TBC1D22A: variants seen among roughly 807,000 people sequenced by gnomAD.
TBC1D22A encodes the protein TBC1 domain family member 22A.
In TBC1D22A, 38 loss-of-function variants were observed where a neutral mutation model predicts 60.2. That is an observed-to-expected ratio of 0.63 (90% CI 0.49 to 0.83). TBC1D22A has a LOEUF of 0.83. TBC1D22A is among the 40% of genes least tolerant of loss of function. TBC1D22A has a pLI of 0.00. For synonymous variants in TBC1D22A, 302 were observed against 281.7 expected, an observed-to-expected ratio of 1.07 and a Z score of -0.72; for missense variants, 628 against 701.0, an observed-to-expected ratio of 0.90 and a Z score of 1.18.
chr22:46,933,999 A>G (rs749604169), intron 8 of TBC1D22A, among the ~76,000 whole-genome samples: 54 of 152,166 alleles, frequency 3.5e-4, no homozygotes, highest in Non-Finnish European at 5.9e-4. Context: ...GTGGGAGTTT[A>G]TATTTGATAT....
intron 10 of TBC1D22A, among the ~76,000 whole-genome samples, chr22:47,016,002 G>A (rs1350832149): frequency 2.0e-5 from 3 of 152,084 alleles, no homozygotes; most frequent in South Asian, 2.1e-4. Flanking sequence ...CACACTCCAC[G>A]TGCCCCCCTG....
At chr22:46,962,161 C>T (rs1279893830) in intron 8 of TBC1D22A, among the ~76,000 whole-genome samples, 4 of 152,188 alleles carry the variant, frequency 2.6e-5, no homozygotes, top group African/African-American at 2.4e-5. Flanking sequence ...TGCCCAGGAT[C>T]GGTGCTCGCC....
At chr22:46,946,719 C>T (rs1277896122) in intron 8 of TBC1D22A, among the ~76,000 whole-genome samples, 1 of 152,192 alleles carries the variant, frequency 6.6e-6, no homozygotes, top group Non-Finnish European at 1.5e-5. Flanking sequence ...TCACAGCATC[C>T]TCAGCTGCTG....
At position 46,787,674 on chromosome 22, in the gene TBC1D22A, G is replaced by T. The variant is rs375572935; in HGVS notation, c.63-4846G>T. 3.3e-5 allele frequency among the ~76,000 whole-genome samples: 5 copies of T among 152,142 alleles called. No individual in the cohort carries two copies. In the East Asian group the frequency reaches 7.7e-4, roughly 23 times the overall value. On this transcript the variant is annotated intron_variant, in intron 1 of 12. Coordinates refer to ENST00000337137, the MANE Select transcript of TBC1D22A (RefSeq NM_014346.5). The stretch of plus-strand genomic sequence containing the variant: ...AATGTGCAGAATAATACTGTATGTT[G>T]CCCAGAGATCCACGTCTCTTCCATA...
At chr22:47,099,016 C>T (rs191699976) in intron 11 of TBC1D22A, among the ~76,000 whole-genome samples, 1 of 152,328 alleles carries the variant, frequency 6.6e-6, no homozygotes, top group Admixed American at 6.5e-5. Context: ...CCATCCTAGC[C>T]AGTGGGGCTA....
chr22:46,768,627 T>G (rs2146687009), intron 1 of TBC1D22A, among the ~76,000 whole-genome samples: 1 of 152,246 alleles, frequency 6.6e-6, no homozygotes, highest in South Asian at 2.1e-4. Context: ...CTCGCCACAC[T>G]TCACTTTAAA....
chr22:46,885,441 T>C (rs765409343), intron 5 of TBC1D22A, among the ~76,000 whole-genome samples: 1 of 152,228 alleles, frequency 6.6e-6, no homozygotes, highest in Non-Finnish European at 1.5e-5. Flanking sequence ...AAAGCAGCAC[T>C]GTGTGAAGCA....
chr22:46,923,545 C>G (rs966540917), intron 8 of TBC1D22A, among the ~76,000 whole-genome samples: 1 of 152,374 alleles, frequency 6.6e-6, no homozygotes, highest in East Asian at 1.9e-4. Context: ...GGAAGAAGGA[C>G]TCATCCAGCT....
At chr22:46,966,095 C>T (rs554094650) in intron 8 of TBC1D22A, among the ~76,000 whole-genome samples, 2 of 152,298 alleles carry the variant, frequency 1.3e-5, no homozygotes, top group South Asian at 2.1e-4. Flanking sequence ...CTGGGGCCTC[C>T]GCATCACGCT....
intron 4 of TBC1D22A, among the ~76,000 whole-genome samples, chr22:46,848,365 G>C (rs1247378726): frequency 3.3e-5 from 5 of 152,186 alleles, no homozygotes; most frequent in African/African-American, 1.2e-4. Flanking sequence ...GAAGGCAGTG[G>C]AGAGCCAGCT....
intron 8 of TBC1D22A, among the ~76,000 whole-genome samples, chr22:46,945,490 G>C (rs1053763282): frequency 7.4e-4 from 112 of 152,302 alleles, no homozygotes; most frequent in African/African-American, 2.6e-3. Context: ...TGAATAACTT[G>C]ATCAAGGTCT....
chr22:46,988,611 ATCTT>A (rs896124597), intron 9 of TBC1D22A, among the ~76,000 whole-genome samples: 3 of 152,198 alleles, frequency 2.0e-5, no homozygotes, highest in African/African-American at 2.4e-5. Context: ...TTTGAACAAA[ATCTT>A]TCTTTCTGAG....
chr22:47,009,442 A>T lies in TBC1D22A; in HGVS notation c.1201+11733A>T, dbSNP rs1197078400. 6.6e-6 allele frequency among the ~76,000 whole-genome samples: 1 copy of T among 151,172 alleles called. No individual in the cohort carries two copies. Among genetic ancestry groups the T allele is most frequent in the African/African-American group, 2.4e-5 (1 of 40,972 alleles). ...TGTCATCACCACCATCATCATCACC[A>T]TCACCATCATTTCTGTCATCACCAT... On this transcript the variant is annotated intron_variant, in intron 10 of 12. Transcript: ENST00000337137. This position sits in a 1 kb window ranked among gnomAD's most constrained non-coding sequence, Gnocchi z 5.8.
chr22:47,168,880 T>A (rs1333793132), intron 12 of TBC1D22A, among the ~76,000 whole-genome samples: 1 of 152,168 alleles, frequency 6.6e-6, no homozygotes, highest in Non-Finnish European at 1.5e-5. Flanking sequence ...TGCTCTTCAG[T>A]GTCAGGAGCC....
chr22:46,900,545 T>C (rs1445978617), intron 7 of TBC1D22A, among the ~76,000 whole-genome samples: 1 of 152,212 alleles, frequency 6.6e-6, no homozygotes, highest in Non-Finnish European at 1.5e-5. Flanking sequence ...TTTGTGTCAG[T>C]CTCCTCTCCC....
chr22:46,936,293 G>A (rs1011052922), intron 8 of TBC1D22A, among the ~76,000 whole-genome samples: 4 of 151,506 alleles, frequency 2.6e-5, no homozygotes, highest in Non-Finnish European at 5.9e-5. Context: ...GGTTCTGCAC[G>A]CCCTCTTCCT....
At chr22:46,769,471 G>A (rs933366419) in intron 1 of TBC1D22A, among the ~76,000 whole-genome samples, 1 of 152,244 alleles carries the variant, frequency 6.6e-6, no homozygotes, top group East Asian at 1.9e-4. Flanking sequence ...TGGGCAGGTG[G>A]CAGTCCCGGG....
At chr22:47,029,126 T>C (rs924721617) in intron 10 of TBC1D22A, among the ~76,000 whole-genome samples, 1 of 151,682 alleles carries the variant, frequency 6.6e-6, no homozygotes, top group African/African-American at 2.4e-5. Flanking sequence ...CAGCCAAATG[T>C]GGAGAATCAT....
chr22:46,962,739 G>A (rs558290273), intron 8 of TBC1D22A, among the ~76,000 whole-genome samples: 80 of 152,314 alleles, frequency 5.3e-4, no homozygotes, highest in African/African-American at 1.9e-3. Flanking sequence ...AGATTCTACA[G>A]GGCAGAAATG....
Sources: gnomAD v4.1 joint callset for allele counts (sites outside exome capture counted in the v4.1 genomes callset) on GRCh38, gnomAD v4.1.1 for gene constraint, Gnocchi (gnomAD v3.1) non-coding constraint, MANE v1.5 for transcripts, NCBI Gene and HGNC (gene_info 2026-07-23, HGNC 2026-07-21) for gene names.